The following RSPH14 variants were observed in gnomAD, a reference collection of about 807,000 sequenced individuals.
The protein encoded by RSPH14 is rhabdoid tumor deletion region gene 1.
RSPH14 carries 20 observed loss-of-function variants against 26.7 expected under a neutral mutation model. The ratio of observed to expected loss-of-function variants is 0.75; its 90% CI spans 0.53 to 1.09. The LOEUF (loss-of-function observed/expected upper bound fraction) is 1.09, where lower values mean the gene tolerates loss of function less well. RSPH14 is among the 50% of genes least tolerant of loss of function. The probability of loss-of-function intolerance (pLI) is 0.00; values close to 1 mark genes in which losing one functional copy is unlikely to be tolerated. For missense variants in RSPH14, 449 were observed against 457.2 expected (o/e 0.98, Z 0.16); for synonymous variants, 177 against 189.3 (o/e 0.93, Z 0.53).
chr22:23,173,417 A>G, the RSPH14 span, among the ~76,000 whole-genome samples: 1 of 151,772 alleles, frequency 6.6e-6, no homozygotes, highest in African/African-American at 2.4e-5. Context: ...TACAGGCATC[A>G]GCCACTGTGC....
At chr22:23,078,204 C>T (rs192443339) in intron 4 of RSPH14, among the ~76,000 whole-genome samples, 1 of 152,248 alleles carries the variant, frequency 6.6e-6, no homozygotes, top group African/African-American at 2.4e-5. Flanking sequence ...ACATATTTCT[C>T]GATGAAATGC....
intron 4 of RSPH14, chr22:23,131,556 T>A: frequency 8.1e-7 from 1 of 1,233,412 alleles, no homozygotes; most frequent in South Asian, 1.3e-5. Context: ...ACCATCTCTG[T>A]ACTTCTCTGA....
intron 3 of RSPH14, among the ~76,000 whole-genome samples, chr22:23,134,548 C>CAAAAAAAAAAAAAAAAAAAAAAAAA (rs59412175): frequency 1.2e-5 from 1 of 86,148 alleles, no homozygotes; most frequent in Non-Finnish European, 2.2e-5. Context: ...AACTCCCAAC[C>CAAAAAAAAAAAAAAAAAAAAAAAAA]AAAAAAAAAA....
chr22:23,099,215 C>T (rs1295403476), intron 4 of RSPH14, among the ~76,000 whole-genome samples: 4 of 152,260 alleles, frequency 2.6e-5, no homozygotes, highest in African/African-American at 7.2e-5. Flanking sequence ...TCTGGGCTCC[C>T]GGGTGTGAGG....
chr22:23,092,579 TCA>T (rs1462443576), intron 4 of RSPH14, among the ~76,000 whole-genome samples: 1 of 152,178 alleles, frequency 6.6e-6, no homozygotes, highest in Non-Finnish European at 1.5e-5. Context: ...CTACCTGGCC[TCA>T]GTTTCCCCTT....
chr22:23,079,726 C>G (rs2068621273), intron 4 of RSPH14, among the ~76,000 whole-genome samples: 1 of 152,078 alleles, frequency 6.6e-6, no homozygotes, highest in Non-Finnish European at 1.5e-5. Context: ...CTGGGGCTGG[C>G]TAGCGGGAGT....
At chr22:23,153,229 G>A in the RSPH14 span, 2 of 957,756 alleles carry the variant, frequency 2.1e-6, no homozygotes, top group South Asian at 1.4e-5. Context: ...ATGTCAAGGA[G>A]GACTAGTCTA....
chr22:23,131,777 G>C, intron 4 of RSPH14: 1 of 507,628 alleles, frequency 2.0e-6, no homozygotes, highest in Non-Finnish European at 3.8e-6. Flanking sequence ...GGGCATGCAT[G>C]ACTGTCATTC....
intron 4 of RSPH14, among the ~76,000 whole-genome samples, chr22:23,068,274 G>A (rs1479022115): frequency 6.6e-6 from 1 of 152,190 alleles, no homozygotes; most frequent in Non-Finnish European, 1.5e-5. Context: ...CTTCCTTTGG[G>A]AAGCTGGCCC....
rs1222011525 is a variant in RSPH14 at position 23,061,702 on chromosome 22, A to C, written c.790+107T>G. ...AAGGGGAGGTTTTTTTTTTTTTTGC[A>C]AAGTGTGGAGTTTGGGGGACGATAC... On this transcript the variant is annotated intron_variant, in intron 6 of 6. Coordinates refer to ENST00000216036, the MANE Select transcript of RSPH14 (RefSeq NM_014433.3). 2.4e-5 allele frequency: 32 copies of C among 1,324,938 alleles called. No homozygotes were observed. The East Asian group carries it at 6.8e-4, about 28-fold the overall frequency. The allele number at this position is 1,324,938 out of a possible 1,614,324, so 82.1% of individuals were successfully genotyped here.
At chr22:23,159,344 G>A in the RSPH14 span, 6 of 1,271,726 alleles carry the variant, frequency 4.7e-6, 1 homozygote, top group Admixed American at 4.8e-5. Context: ...TCCCTCTGTA[G>A]CCAGTCGTCT....
the RSPH14 span, chr22:23,152,618 G>T: frequency 9.7e-6 from 12 of 1,240,054 alleles, no homozygotes; most frequent in Non-Finnish European, 1.2e-5. Context: ...CAACATAGCA[G>T]AAATCATGTG....
At position 23,110,961 on chromosome 22, in the gene RSPH14, G is replaced by A. The variant is rs547553811; in HGVS notation, c.421+23065C>T. Among the ~76,000 whole-genome samples, 6 of 152,332 alleles carry A rather than the reference G, an allele frequency of 3.9e-5. No individual in the cohort carries two copies. The East Asian group carries it at 5.8e-4, about 15-fold the overall frequency. On this transcript the variant is annotated intron_variant, in intron 4 of 6. Coordinates refer to ENST00000216036, the MANE Select transcript of RSPH14 (RefSeq NM_014433.3). ...GTCCTCTTGTCCACTTGGGGTCAGC[G>A]ACGATTCCATCTAGGTGCTGGGTGA...
chr22:23,141,926 C>A, intron 1 of RSPH14, 23 bp downstream of exon 1: 1 of 978,100 alleles, frequency 1.0e-6, no homozygotes, highest in South Asian at 4.7e-5. Context: ...CCCCGGGCCC[C>A]TAGCCCACCA....
intron 4 of RSPH14, among the ~76,000 whole-genome samples, chr22:23,073,686 G>A (rs2146246901): frequency 6.6e-6 from 1 of 152,352 alleles, no homozygotes; most frequent in South Asian, 2.1e-4. Context: ...CACATAGGAG[G>A]AGACATCAGC....
At chr22:23,130,113 AAG>A (rs796473739) in intron 4 of RSPH14, among the ~76,000 whole-genome samples, 10 of 101,654 alleles carry the variant, frequency 9.8e-5, no homozygotes, top group South Asian at 3.1e-4. Context: ...GAAAGAAAGA[AAG>A]AAAGAAAGAA....
chr22:23,150,250 G>A, the RSPH14 span: 2 of 996,322 alleles, frequency 2.0e-6, no homozygotes, highest in Non-Finnish European at 3.1e-6. Flanking sequence ...ACACACACGA[G>A]GCTGGTGCAG....
intron 2 of RSPH14, among the ~76,000 whole-genome samples, chr22:23,139,772 A>G (rs2070557092): frequency 6.6e-6 from 1 of 152,232 alleles, no homozygotes; most frequent in South Asian, 2.1e-4. Context: ...AAGGATTAAG[A>G]TAATCCAGGC....
upstream of RSPH14, among the ~76,000 whole-genome samples, chr22:23,149,801 C>T (rs1234467879): frequency 1.3e-5 from 2 of 152,232 alleles, no homozygotes; most frequent in East Asian, 1.9e-4. Context: ...ATGCATGCAG[C>T]AAGGGAACTG....
Sources: gnomAD v4.1 joint callset for allele counts (sites outside exome capture counted in the v4.1 genomes callset) on GRCh38, gnomAD v4.1.1 for gene constraint, MANE v1.5 for transcripts, NCBI Gene and HGNC (gene_info 2026-07-23, HGNC 2026-07-21) for gene names.